Variants in GREM2 observed in about 807,000 individuals in gnomAD.
GREM2 encodes gremlin-2.
In GREM2, 11 loss-of-function variants were observed where a neutral mutation model predicts 14.2. The observed-to-expected ratio is 0.78, with a 90% CI of 0.49 to 1.28. GREM2 has a LOEUF of 1.28. GREM2 is among the 50% of genes most tolerant of loss of function. The pLI is 0.00. For missense variants in GREM2, 210 were observed against 218.5 expected, an observed-to-expected ratio of 0.96 and a Z score of 0.24; for synonymous variants, 98 against 97.6, an observed-to-expected ratio of 1.00 and a Z score of -0.02.
chr1:240,547,425 G>A (rs57059060), intron 1 of GREM2, among the ~76,000 whole-genome samples: 42,795 of 149,302 alleles, frequency 0.29, 6,197 homozygotes, highest in East Asian at 0.36. Context: ...GCTTGAACCC[G>A]GGAGGTGGAG....
At position 240,542,948 on chromosome 1, in the gene GREM2, A is replaced by T. The variant is rs941722510; in HGVS notation, c.-1-49472T>A. 6.6e-6 allele frequency among the ~76,000 whole-genome samples: 1 copy of T among 152,186 alleles called. No homozygotes were observed. Among genetic ancestry groups the T allele is most frequent in the African/African-American group, 2.4e-5 (1 of 41,442 alleles). The stretch of plus-strand genomic sequence containing the variant: ...TCTCTCCACTCTTAGAAGTTCTGTA[A>T]GATCCCACCAAAAAATATCACCTTC... On this transcript the variant is annotated intron_variant, in intron 1 of 1. Transcript: ENST00000318160. The surrounding 1 kb of genome is among the most constrained non-coding windows in gnomAD (Gnocchi z 4.1).
chr1:240,589,858 T>C (rs145016371), intron 1 of GREM2, among the ~76,000 whole-genome samples: 1 of 152,262 alleles, frequency 6.6e-6, no homozygotes, highest in African/African-American at 2.4e-5. Flanking sequence ...AGGGAAGGCT[T>C]GCTGGAACAG....
intron 1 of GREM2, among the ~76,000 whole-genome samples, chr1:240,558,752 T>C (rs942425462): frequency 2.0e-5 from 3 of 152,108 alleles, no homozygotes; most frequent in Non-Finnish European, 4.4e-5. Context: ...TAGTTTCTGT[T>C]GGTTATATCT....
intron 1 of GREM2, among the ~76,000 whole-genome samples, chr1:240,524,280 T>G (rs558042496): frequency 2.0e-5 from 3 of 152,390 alleles, no homozygotes; most frequent in African/African-American, 7.2e-5. Flanking sequence ...TCCAAAGTGT[T>G]GGAATTAGAG....
intron 1 of GREM2, among the ~76,000 whole-genome samples, chr1:240,495,657 G>A (rs920011723): frequency 8.5e-5 from 13 of 152,216 alleles, no homozygotes; most frequent in African/African-American, 3.1e-4. Flanking sequence ...TCTATAGCCA[G>A]TATGTGAAAT....
At chr1:240,558,615 G>A (rs1454147537) in intron 1 of GREM2, among the ~76,000 whole-genome samples, 1 of 152,050 alleles carries the variant, frequency 6.6e-6, no homozygotes, top group Non-Finnish European at 1.5e-5. Flanking sequence ...AGGGTAAAAG[G>A]AGCACCTGAA....
At chr1:240,514,879 CCTGCACTCCAGCCTCTGTGCCT>C (rs1387913977) in intron 1 of GREM2, among the ~76,000 whole-genome samples, 4 of 151,976 alleles carry the variant, frequency 2.6e-5, no homozygotes, top group Non-Finnish European at 4.4e-5. Flanking sequence ...CCTCTGTGCC[CCTGCACTCCAGCCTCTGTGCCT>C]CTGCACTCCA....
chr1:240,507,323 C>T (rs1400717668), intron 1 of GREM2, among the ~76,000 whole-genome samples: 1 of 148,512 alleles, frequency 6.7e-6, no homozygotes, highest in East Asian at 2.1e-4. Flanking sequence ...CTCCTTCCCT[C>T]CCTCCCTCCT....
intron 1 of GREM2, among the ~76,000 whole-genome samples, chr1:240,537,858 AAATAT>A (rs1487864241): frequency 1.4e-4 from 21 of 152,200 alleles, no homozygotes; most frequent in African/African-American, 7.2e-5. Flanking sequence ...TCTTTTATAC[AAATAT>A]AATATATTAA....
At chr1:240,547,303 A>G (rs548986359) in intron 1 of GREM2, among the ~76,000 whole-genome samples, 41 of 151,954 alleles carry the variant, frequency 2.7e-4, no homozygotes, top group Admixed American at 2.1e-3. Context: ...GATCAAGACC[A>G]TCCTGGCTAA....
chr1:240,591,516 T>C (rs1053507184), intron 1 of GREM2, among the ~76,000 whole-genome samples: 1 of 152,202 alleles, frequency 6.6e-6, no homozygotes, highest in Non-Finnish European at 1.5e-5. Context: ...TCCTCACTCA[T>C]GTTAGTCGAC....
chr1:240,586,508 G>A (rs2102860528), intron 1 of GREM2, among the ~76,000 whole-genome samples: 1 of 152,278 alleles, frequency 6.6e-6, no homozygotes, highest in South Asian at 2.1e-4. Context: ...AGCTTGTCCA[G>A]GACTAAGCTT....
chr1:240,499,434 C>T (rs1258761838), intron 1 of GREM2, among the ~76,000 whole-genome samples: 2 of 152,174 alleles, frequency 1.3e-5, no homozygotes, highest in Admixed American at 6.5e-5. Flanking sequence ...CTGATAGGCA[C>T]ATCTGGGATA....
chr1:240,509,518 A>G (rs1011691779), intron 1 of GREM2, among the ~76,000 whole-genome samples: 3 of 152,008 alleles, frequency 2.0e-5, no homozygotes, highest in Admixed American at 1.3e-4. Flanking sequence ...ACAGGCATGC[A>G]CCAACAAGCC....
chr1:240,521,919 C>G (rs1024450308), intron 1 of GREM2, among the ~76,000 whole-genome samples: 7 of 151,908 alleles, frequency 4.6e-5, no homozygotes, highest in Non-Finnish European at 2.9e-5. Context: ...TGAGACCAGC[C>G]TGAACAACAT....
chr1:240,600,246 C>T (rs192832936), intron 1 of GREM2, among the ~76,000 whole-genome samples: 1 of 152,082 alleles, frequency 6.6e-6, no homozygotes, highest in African/African-American at 2.4e-5. Context: ...TTCCTTTTAT[C>T]TTGGAAACTC....
chr1:240,542,323 G>C lies in GREM2; in HGVS notation c.-1-48847C>G, dbSNP rs1678608067. ...TTTTAATTTCTAAGGAGCTGAGCCGGGCACGGTGGCTCACGGCTCACGTCT... is the reference window on the plus strand; with the variant it reads ...TTTTAATTTCTAAGGAGCTGAGCCGCGCACGGTGGCTCACGGCTCACGTCT... On this transcript the variant is annotated intron_variant, in intron 1 of 1. Transcript: ENST00000318160. The surrounding 1 kb of genome is among the most constrained non-coding windows in gnomAD (Gnocchi z 4.1). Among the ~76,000 whole-genome samples the C allele has an allele frequency of 6.6e-6, 1 of 151,944 alleles. No individual in the cohort carries two copies. The highest frequency in any genetic ancestry group is 2.1e-4 in the South Asian group (1 of 4,810).
intron 1 of GREM2, among the ~76,000 whole-genome samples, chr1:240,566,067 C>A (rs773796146): frequency 6.6e-6 from 1 of 151,946 alleles, no homozygotes; most frequent in Non-Finnish European, 1.5e-5. Context: ...TCTTTGAAAC[C>A]AGGGGTCTTT....
chr1:240,572,185 AT>A (rs1041791984), intron 1 of GREM2, among the ~76,000 whole-genome samples: 24 of 152,086 alleles, frequency 1.6e-4, no homozygotes, highest in Non-Finnish European at 2.4e-4. Context: ...GAAGCCCAGC[AT>A]TTTTTTTATA....
Sources: allele counts gnomAD v4.1 joint callset (sites outside exome capture counted in the v4.1 genomes callset), GRCh38; gene constraint gnomAD v4.1.1; non-coding constraint Gnocchi (gnomAD v3.1); transcripts MANE v1.5; gene names NCBI Gene and HGNC (gene_info 2026-07-23, HGNC 2026-07-21).